CCDC78: variants seen among roughly 807,000 people sequenced by gnomAD.
CCDC78 encodes the protein coiled-coil domain-containing protein 78.
Under a neutral mutation model 61.9 loss-of-function variants are expected in CCDC78, and 78 were observed. The ratio of observed to expected loss-of-function variants is 1.26; its 90% CI spans 1.05 to 1.52. The LOEUF (loss-of-function observed/expected upper bound fraction) is 1.52. Among genes scored for constraint, CCDC78 ranks in the 40% most tolerant of loss-of-function variants. CCDC78 has a pLI of 0.00. For missense variants in CCDC78, 737 were observed against 615.5 expected, an observed-to-expected ratio of 1.20 and a Z score of -2.09; for synonymous variants, 287 against 251.9, an observed-to-expected ratio of 1.14 and a Z score of -1.32.
chr16:723,290 G>A lies in CCDC78; in HGVS notation c.1134-129C>T, dbSNP rs1382124310. 4 of 1,053,330 alleles carry A rather than the reference G, an allele frequency of 3.8e-6. No individual in the cohort carries two copies. In the South Asian group the frequency reaches 5.4e-5, roughly 14 times the overall value. The allele number at this position is 1,053,330 out of a possible 1,614,324, so 65.2% of individuals were successfully genotyped here. On this transcript the variant is annotated intron_variant, in intron 11 of 13. Transcript: ENST00000345165. ...CCTGGGAGTGAGTGAGGGAGGCATG[G>A]GCCCCCCCCGTGCTCCTGTGGCGCC...
At position 725,239 on chromosome 16, in the gene CCDC78, C is replaced by G; in HGVS notation, c.490G>C (p.Gly164Arg). 6.2e-7 allele frequency: 1 copy of G among 1,608,164 alleles called. No individual in the cohort carries two copies. Among genetic ancestry groups the G allele is most frequent in the Non-Finnish European group, 8.5e-7 (1 of 1,179,974 alleles). ...GAGCTAGGTGGCTGCACACTCACGC[C>G]GCTCCCCAGCCTGTGCTGCTCATTC... ...PENEQHRLGS[G>R]LQGEVKWALE... The change falls in exon 5 of 14, where the codon GGC (glycine) becomes CGC (arginine). Residue 164 changes from glycine to arginine, a missense_variant and splice_region_variant. Gly to Arg is a moderately radical substitution (Grantham distance 125, BLOSUM62 -2). Coordinates refer to ENST00000345165, the MANE Select transcript of CCDC78 (RefSeq NM_001378030.1).
chr16:725,405 A>G lies in CCDC78; in HGVS notation c.435+8T>C, dbSNP rs944379922. The G allele has an allele frequency of 1.2e-6, 2 of 1,612,418 alleles. No individual in the cohort carries two copies. The highest frequency in any genetic ancestry group is 1.7e-6 in the Non-Finnish European group (2 of 1,179,830). ...TCCCAGCCAGGCTCTCCATATGCTC[A>G]TGGTAACCTGGAATCTGTGGTCATC... On this transcript the variant is annotated splice_region_variant and intron_variant, in intron 4 of 13. Coordinates refer to ENST00000345165, the MANE Select transcript of CCDC78 (RefSeq NM_001378030.1).
Position 724,204 on chromosome 16 carries a change from C to G in CCDC78, c.955G>C (p.Ala319Pro), listed in dbSNP as rs927461849. ...AAAATAGCTTGGGGGTTCCCAGGTGCCCTGTCAGGGTAGGCTAGTGTCTGT... is the reference window on the plus strand; with the variant it reads ...AAAATAGCTTGGGGGTTCCCAGGTGGCCTGTCAGGGTAGGCTAGTGTCTGT... The part of the protein sequence containing the change: ...RHEELLVAYR[A>P]PGNPQAIFDI... Residue 319 changes from alanine (A) to proline (P), a missense_variant and splice_region_variant, in exon 10 of 14, where the codon GCA (alanine) becomes CCA (proline). By Grantham distance (27) the Ala-to-Pro change is conservative (BLOSUM62 -1). Coordinates refer to ENST00000345165, the MANE Select transcript of CCDC78 (RefSeq NM_001378030.1). The G allele has an allele frequency of 1.3e-6, 2 of 1,593,318 alleles. No homozygotes were observed. Among genetic ancestry groups the G allele is most frequent in the African/African-American group, 2.7e-5 (2 of 74,488 alleles).
Position 724,351 on chromosome 16 carries a change from G to T in CCDC78, c.924C>A (p.Arg308=), listed in dbSNP as rs2040615574. Residue 308 remains arginine, a synonymous_variant, in exon 9 of 14, where the codon CGC becomes CGA. Coordinates refer to ENST00000345165, the MANE Select transcript of CCDC78 (RefSeq NM_001378030.1). ...SYHKRLVDLS[R]RHEELLVAYR... is the part of the protein sequence containing the mutation. ...AGGCAACCAGTAGCTCTTCATGCCT[G>T]CGGCTCAGATCCACCAGCCTCTTGT... 6.2e-7 allele frequency: 1 copy of T among 1,612,316 alleles called. No individual in the cohort carries two copies.
upstream of CCDC78, chr16:726,505 C>T: frequency 9.4e-7 from 1 of 1,062,336 alleles, no homozygotes; most frequent in Non-Finnish European, 1.3e-6. Context: ...GGGCACCGCC[C>T]ACAGGGGCCG....
At position 725,814 on chromosome 16, in the gene CCDC78, T is replaced by C. The variant is rs558878970; in HGVS notation, c.247A>G (p.Ile83Val). The C allele has an allele frequency of 1.9e-6, 3 of 1,609,836 alleles. No individual in the cohort carries two copies. The highest frequency in any genetic ancestry group is 2.7e-5 in the African/African-American group (2 of 75,000). ...CTCACCTCACTCTTCAGCTGGAAGA[T>C]TTCAGCCTCATGCTGCTCATGTAGG... The part of the protein sequence containing the change: ...HHLHEQHEAE[I>V]FQLKSEILRL... The change falls in exon 3 of 14, where the codon ATC (isoleucine) becomes GTC (valine). Residue 83 changes from isoleucine (I) to valine (V), a missense_variant. Coordinates refer to ENST00000345165, the MANE Select transcript of CCDC78 (RefSeq NM_001378030.1).
chr16:723,973 G>A, intron 10 of CCDC78, 37 bp from the exon 11 acceptor site: 1 of 1,585,144 alleles, frequency 6.3e-7, no homozygotes, highest in South Asian at 1.1e-5. Context: ...TCAGTTGGCT[G>A]AACAAGGCAA....
At chr16:726,470 C>T (rs1334079944), upstream of CCDC78, 4 of 1,408,716 alleles carry the variant, frequency 2.8e-6, no homozygotes, top group Non-Finnish European at 3.8e-6. Flanking sequence ...TTGCCAAGGC[C>T]TCTGTTGGTC....
rs567316689 is a variant in CCDC78 at position 724,568 on chromosome 16, C to T, written c.766-59G>A. On this transcript the variant is annotated intron_variant, in intron 8 of 13. Coordinates refer to ENST00000345165, the MANE Select transcript of CCDC78 (RefSeq NM_001378030.1). ...ACCCCCCATCTTTTCCAACCATCCC[C>T]CCACCCCAGCAGGCTGAGCAGTGCC... is the stretch of plus-strand genomic sequence containing the variant. 49 of 1,558,536 alleles carry T rather than the reference C, an allele frequency of 3.1e-5. No homozygotes were observed. The East Asian group carries it at 8.0e-4, about 26-fold the overall frequency.
rs1355024482 is a variant in CCDC78, at chr16:726,359, G to A, written c.9C>T (p.His3=). The change falls in exon 1 of 14, where the codon CAC becomes CAT. Residue 3 remains histidine, a synonymous_variant. Transcript: ENST00000345165. ...CAGGCCTGGGGCCTGTGGTGGCTGC[G>A]TGCTCCATAGGCTAGGGAACCCTGG... ME[H]AATTGPRPGP... 7.1e-6 allele frequency: 11 copies of A among 1,539,714 alleles called. No homozygotes were observed. The highest frequency in any genetic ancestry group is 4.2e-5 in the Admixed American group (2 of 47,748).
rs765297346 is a variant in CCDC78 at position 722,724 on chromosome 16, G to A, written c.1367C>T (p.Ala456Val). ...AGAGDPWKVG[A>V]VPPAKPQHPR... ...ATGCTGGGGCTTGGCTGGAGGCACA[G>A]CCCCCACTTTCCAGGGGTCCCCTGC... Residue 456 changes from alanine to valine, a missense_variant, in exon 14 of 14, where the codon GCT becomes GTT. Transcript: ENST00000345165. 1.2e-6 allele frequency: 2 copies of A among 1,610,968 alleles called. No individual in the cohort carries two copies. The highest frequency in any genetic ancestry group is 1.7e-6 in the Non-Finnish European group (2 of 1,179,936).
In CCDC78 at chr16:725,789, C is replaced by T. The variant is rs1484564566; in HGVS notation, c.267+5G>A. 1 of 1,603,222 alleles carries T rather than the reference C, an allele frequency of 6.2e-7. No homozygotes were observed. The highest frequency in any genetic ancestry group is 2.2e-5 in the East Asian group (1 of 44,654). On this transcript the variant is annotated splice_donor_5th_base_variant and intron_variant, in intron 3 of 13. Transcript: ENST00000345165. ...GCACTGAGGCTGGTTCACACGGCTG[C>T]TCACCTCACTCTTCAGCTGGAAGAT...
Position 725,468 on chromosome 16 carries a change from T to C in CCDC78, c.380A>G (p.Gln127Arg). The C allele has an allele frequency of 6.2e-7, 1 of 1,612,798 alleles. No individual in the cohort carries two copies. Among genetic ancestry groups the C allele is most frequent in the Non-Finnish European group, 8.5e-7 (1 of 1,179,982 alleles). Reference sequence around the variant, plus strand: ...CACCTGGGCTTTGTGTCTGAGCTCTTGGGCTGCTGCCCGGGGATGCCTGGG... The same window carrying C: ...CACCTGGGCTTTGTGTCTGAGCTCTCGGGCTGCTGCCCGGGGATGCCTGGG... Reference protein sequence around the residue: ...SDPRHPRAAAQELRHKAQVPG... With the variant: ...SDPRHPRAAARELRHKAQVPG... Residue 127 changes from glutamine (Q) to arginine (R), a missense_variant, in exon 4 of 14, where the codon CAA becomes CGA. Coordinates refer to ENST00000345165, the MANE Select transcript of CCDC78 (RefSeq NM_001378030.1).
At chr16:726,570 C>T (rs1025607223), upstream of CCDC78, 2 of 616,274 alleles carry the variant, frequency 3.2e-6, no homozygotes, top group Middle Eastern at 4.3e-4. Context: ...TCCATGCCTC[C>T]GTTTCCCCAT....
At chr16:722,833 C>A in intron 13 of CCDC78, 44 bp from the exon 14 acceptor site, 1 of 1,610,264 alleles carries the variant, frequency 6.2e-7, no homozygotes, top group Non-Finnish European at 8.5e-7. Flanking sequence ...CAGCTGTGGA[C>A]AGGTCTGCTT....
intron 10 of CCDC78, 36 bp downstream of exon 10, chr16:724,070 C>G: frequency 6.4e-7 from 1 of 1,553,340 alleles, no homozygotes; most frequent in African/African-American, 1.4e-5. Context: ...GTGGGGGGCA[C>G]CCGGGCCTGG....
chr16:724,522 G>C lies in CCDC78; in HGVS notation c.766-13C>G. 1 of 1,588,990 alleles carries C rather than the reference G, an allele frequency of 6.3e-7. No homozygotes were observed. Among genetic ancestry groups the C allele is most frequent in the Non-Finnish European group, 8.5e-7 (1 of 1,175,136 alleles). On this transcript the variant is annotated splice_polypyrimidine_tract_variant and intron_variant, in intron 8 of 13. Coordinates refer to ENST00000345165, the MANE Select transcript of CCDC78 (RefSeq NM_001378030.1). Reference sequence around the variant, plus strand: ...CATCTGCGTGCTCCTGGAGGCGGCGGGCTGGGTCCGCATGGGGCCCACCCC... The same window carrying C: ...CATCTGCGTGCTCCTGGAGGCGGCGCGCTGGGTCCGCATGGGGCCCACCCC...
In CCDC78 at chr16:723,915, G is replaced by C. The variant is rs987374804; in HGVS notation, c.1075C>G (p.Leu359Val). Residue 359 changes from leucine (L) to valine (V), a missense_variant, in exon 11 of 14, where the codon CTC (leucine) becomes GTC (valine). Physicochemically the swap from Leu to Val is conservative, Grantham distance 32. Coordinates refer to ENST00000345165, the MANE Select transcript of CCDC78 (RefSeq NM_001378030.1). ...CCGGGTCTCTTTTTTGGGGATGAGA[G>C]CAGTGCCCCAGGCCCGCCGTGCTAC... The part of the protein sequence containing the change: ...EDQHGGPGAL[L>V]SSPKKRPGGA... 4 of 1,601,376 alleles carry C rather than the reference G, an allele frequency of 2.5e-6. No individual in the cohort carries two copies. In the African/African-American group the frequency reaches 5.4e-5, roughly 21 times the overall value.
In CCDC78 at chr16:724,201, G is replaced by C; in HGVS notation, c.958C>G (p.Pro320Ala). 1.3e-6 allele frequency: 2 copies of C among 1,595,182 alleles called. No homozygotes were observed. Among genetic ancestry groups the C allele is most frequent in the Non-Finnish European group, 1.7e-6 (2 of 1,170,318 alleles). Residue 320 changes from proline (P) to alanine (A), a missense_variant, in exon 10 of 14, where the codon CCT becomes GCT. Pro to Ala is a conservative substitution (Grantham distance 27). Coordinates refer to ENST00000345165, the MANE Select transcript of CCDC78 (RefSeq NM_001378030.1). ...TCAAAAATAGCTTGGGGGTTCCCAGGTGCCCTGTCAGGGTAGGCTAGTGTC... is the reference window on the plus strand; with the variant it reads ...TCAAAAATAGCTTGGGGGTTCCCAGCTGCCCTGTCAGGGTAGGCTAGTGTC... Reference protein sequence around the residue: ...HEELLVAYRAPGNPQAIFDIA... With the variant: ...HEELLVAYRAAGNPQAIFDIA...
Sources: gnomAD v4.1 joint callset for allele counts on GRCh38, gnomAD v4.1.1 for gene constraint, MANE v1.5 for transcripts, NCBI Gene and HGNC (gene_info 2026-07-23, HGNC 2026-07-21) for gene names.